GALNT18: variants seen among roughly 807,000 people sequenced by gnomAD.
The protein encoded by GALNT18 is polypeptide N-acetylgalactosaminyltransferase 18, also known as GalNAc-transferase 18.
A neutral mutation model predicts 69.5 loss-of-function variants in GALNT18; 44 were observed. The observed-to-expected ratio is 0.63, with a 90% CI of 0.50 to 0.81. The LOEUF (loss-of-function observed/expected upper bound fraction) is 0.81, where lower values mean the gene tolerates loss of function less well. Among genes scored for constraint, GALNT18 ranks in the 40% least tolerant of loss-of-function variants. The probability of loss-of-function intolerance (pLI) is 0.00; values close to 1 mark genes in which losing one functional copy is unlikely to be tolerated. For synonymous variants in GALNT18, 364 were observed against 318.2 expected (o/e 1.14, Z -1.53); for missense variants, 715 against 810.0 (o/e 0.88, Z 1.42).
At chr11:11,475,064 C>T (rs1176748443) in intron 1 of GALNT18, 1 of 152,192 alleles carries the variant, frequency 6.6e-6, no homozygotes, top group East Asian at 1.9e-4. Context: ...ATATCGTGCT[C>T]ATTCCACAAA....
At chr11:11,419,652 TAACATAAAA>T (rs1272118986) in intron 3 of GALNT18, among the ~76,000 whole-genome samples, 1 of 147,136 alleles carries the variant, frequency 6.8e-6, no homozygotes, top group African/African-American at 2.5e-5. Flanking sequence ...ATGCAAACTT[TAACATAAAA>T]AATACAAGTG....
chr11:11,363,798 T>C (rs1850694734), intron 6 of GALNT18, among the ~76,000 whole-genome samples: 1 of 152,194 alleles, frequency 6.6e-6, no homozygotes, highest in East Asian at 1.9e-4. Context: ...TCACTCACAG[T>C]AAGCTGGGTT....
chr11:11,422,055 A>G (rs1855021841), intron 3 of GALNT18, among the ~76,000 whole-genome samples: 1 of 152,170 alleles, frequency 6.6e-6, no homozygotes, highest in African/African-American at 2.4e-5. Flanking sequence ...ATCTATATCT[A>G]TATCTATATC....
chr11:11,580,367 G>T (rs1859047564), intron 1 of GALNT18, among the ~76,000 whole-genome samples: 1 of 152,102 alleles, frequency 6.6e-6, no homozygotes, highest in African/African-American at 2.4e-5. Flanking sequence ...CATCAAATTT[G>T]CTTTCCTAAG....
intron 3 of GALNT18, among the ~76,000 whole-genome samples, chr11:11,407,555 G>A (rs1321008814): frequency 2.6e-5 from 4 of 152,166 alleles, no homozygotes; most frequent in South Asian, 2.1e-4. Flanking sequence ...ACAGCACTGC[G>A]GAGTGTTCTC....
rs78498675 is a variant in GALNT18, at chr11:11,350,438, A to C, written c.1093-9434T>G. 9.2e-3 allele frequency among the ~76,000 whole-genome samples: 1,403 copies of C among 152,312 alleles called. 20 individuals are homozygous for C. Among genetic ancestry groups the C allele is most frequent in the African/African-American group, 0.032 (1,330 of 41,558 alleles). ...TCGTGGTTACCTCAAATCTCATATCAGCCAACAGGCCTGATTACTATTGTT... is the reference window on the plus strand; with the variant it reads ...TCGTGGTTACCTCAAATCTCATATCCGCCAACAGGCCTGATTACTATTGTT... On this transcript the variant is annotated intron_variant, in intron 6 of 10. Coordinates refer to ENST00000227756, the MANE Select transcript of GALNT18 (RefSeq NM_198516.3).
intron 3 of GALNT18, among the ~76,000 whole-genome samples, chr11:11,420,871 T>C (rs1854988724): frequency 1.3e-5 from 2 of 152,142 alleles, no homozygotes. Flanking sequence ...GTTTGGGGAC[T>C]TTCCCTGTTG....
intron 1 of GALNT18, among the ~76,000 whole-genome samples, chr11:11,578,768 T>C (rs899696311): frequency 7.2e-5 from 11 of 152,236 alleles, no homozygotes; most frequent in African/African-American, 2.7e-4. Flanking sequence ...TCGGGACTCC[T>C]GCTGCATTAG....
chr11:11,425,115 G>A (rs1460613098), intron 3 of GALNT18, among the ~76,000 whole-genome samples: 2 of 152,246 alleles, frequency 1.3e-5, no homozygotes, highest in Admixed American at 6.5e-5. Context: ...TTAATTGGCT[G>A]ACCTTGGGTT....
intron 1 of GALNT18, among the ~76,000 whole-genome samples, chr11:11,486,533 A>G (rs967415864): frequency 5.9e-5 from 9 of 152,350 alleles, no homozygotes; most frequent in African/African-American, 2.2e-4. Context: ...CAGGTTGACA[A>G]CTTATTAAAA....
Position 11,487,725 on chromosome 11 carries a change from T to C in GALNT18, c.236-38789A>G, listed in dbSNP as rs186416850. Among the ~76,000 whole-genome samples the C allele has an allele frequency of 3.7e-4, 57 of 152,320 alleles. No individual in the cohort carries two copies. In the East Asian group the frequency reaches 0.011, roughly 29 times the overall value. On this transcript the variant is annotated intron_variant, in intron 1 of 10. Coordinates refer to ENST00000227756, the MANE Select transcript of GALNT18 (RefSeq NM_198516.3). ...ACTCCATCCACAATATCTGAGGCAG[T>C]GCCATGCAAGAGCTCCAGGTATGAC...
chr11:11,309,126 G>A lies in GALNT18; in HGVS notation c.1513-15933C>T, dbSNP rs1849629046. ...ATGAATGGATTAGTGCCATCATCAA[G>A]GGAATGGGTTCCTTGTAAAAGGACA... On this transcript the variant is annotated intron_variant, in intron 9 of 10. Coordinates refer to ENST00000227756, the MANE Select transcript of GALNT18 (RefSeq NM_198516.3). The surrounding 1 kb of genome is among the most constrained non-coding windows in gnomAD (Gnocchi z 4.6). Among the ~76,000 whole-genome samples, 1 of 151,904 alleles carries A rather than the reference G, an allele frequency of 6.6e-6. No homozygotes were observed. Among genetic ancestry groups the A allele is most frequent in the Admixed American group, 6.6e-5 (1 of 15,256 alleles).
chr11:11,507,872 A>G (rs531390162), intron 1 of GALNT18, among the ~76,000 whole-genome samples: 38 of 152,280 alleles, frequency 2.5e-4, no homozygotes, highest in South Asian at 8.3e-4. Flanking sequence ...GAAAGACTAC[A>G]CTGGCTTAGT....
chr11:11,327,804 C>G (rs1463520248), intron 8 of GALNT18, among the ~76,000 whole-genome samples: 1 of 152,172 alleles, frequency 6.6e-6, no homozygotes, highest in East Asian at 1.9e-4. Flanking sequence ...CTGGGTAAGA[C>G]AGCTTATATT....
At chr11:11,532,509 T>G (rs368017762) in intron 1 of GALNT18, among the ~76,000 whole-genome samples, 3 of 152,188 alleles carry the variant, frequency 2.0e-5, no homozygotes, top group African/African-American at 7.2e-5. Flanking sequence ...GGCCACACGG[T>G]GGGCACTCAA....
At chr11:11,317,722 A>T (rs568749063) in intron 9 of GALNT18, among the ~76,000 whole-genome samples, 2 of 152,344 alleles carry the variant, frequency 1.3e-5, no homozygotes, top group Non-Finnish European at 2.9e-5. Context: ...TTTGCTATGC[A>T]GAAACTCTTT....
intron 3 of GALNT18, among the ~76,000 whole-genome samples, chr11:11,426,983 T>C (rs7116750): frequency 0.23 from 35,313 of 152,036 alleles, 4,780 homozygotes; most frequent in African/African-American, 0.38. Context: ...TCTTGCTATG[T>C]TGTACAGGCT....
chr11:11,271,446 C>T (rs1276914767), intron 10 of GALNT18, among the ~76,000 whole-genome samples, 156 bp from the exon 11 acceptor site: 1 of 152,176 alleles, frequency 6.6e-6, no homozygotes, highest in East Asian at 1.9e-4. Flanking sequence ...TCCCCTATCA[C>T]TCATATATTA....
rs538636449 is a variant in GALNT18, at chr11:11,587,733, C to T, written c.235+33626G>A. Reference sequence around the variant, plus strand: ...ACAGGCAACATTTCCCCTTGACTTCCCCTGGTAGGTGATCAAACTTAAAGA... The same window carrying T: ...ACAGGCAACATTTCCCCTTGACTTCTCCTGGTAGGTGATCAAACTTAAAGA... On this transcript the variant is annotated intron_variant, in intron 1 of 10. Coordinates refer to ENST00000227756, the MANE Select transcript of GALNT18 (RefSeq NM_198516.3). The surrounding 1 kb of genome is among the most constrained non-coding windows in gnomAD (Gnocchi z 4.4). Among the ~76,000 whole-genome samples the T allele has an allele frequency of 3.9e-5, 6 of 152,042 alleles. No homozygotes were observed. In the South Asian group the frequency reaches 1.3e-3, roughly 32 times the overall value.
Sources: gnomAD v4.1 joint callset for allele counts (sites outside exome capture counted in the v4.1 genomes callset) on GRCh38, gnomAD v4.1.1 for gene constraint, Gnocchi (gnomAD v3.1) non-coding constraint, MANE v1.5 for transcripts, NCBI Gene and HGNC (gene_info 2026-07-23, HGNC 2026-07-21) for gene names.